C10orf90: variants seen among roughly 807,000 people sequenced by gnomAD.
C10orf90 encodes chromosome 10 open reading frame 90, also known as (E2-independent) E3 ubiquitin-conjugating enzyme FATS.
In C10orf90, 56 loss-of-function variants were observed where a neutral mutation model predicts 62.5. The observed-to-expected ratio is 0.90, with a 90% confidence interval of 0.72 to 1.12. The LOEUF (loss-of-function observed/expected upper bound fraction) is 1.12, where lower values mean the gene tolerates loss of function less well. C10orf90 is among the 50% of genes most tolerant of loss of function. The pLI, the probability that C10orf90 is intolerant of heterozygous loss-of-function variation, is 0.00. For missense variants in C10orf90, 970 were observed against 880.4 expected (o/e 1.10, Z -1.29); for synonymous variants, 386 against 340.4 (o/e 1.13, Z -1.47).
At chr10:126,583,192 G>A (rs910499603) in intron 2 of C10orf90, among the ~76,000 whole-genome samples, 6 of 152,136 alleles carry the variant, frequency 3.9e-5, no homozygotes, top group African/African-American at 1.2e-4. Context: ...GAAACAATAG[G>A]CCACTTTGCC....
chr10:126,532,830 G>C (rs139517087), intron 2 of C10orf90, among the ~76,000 whole-genome samples: 3 of 10,120 alleles, frequency 3.0e-4, no homozygotes, highest in African/African-American at 4.8e-4. Context: ...GCAACAGAGC[G>C]AGACTACGTC....
At chr10:126,521,448 G>A in intron 2 of C10orf90, 1 of 1,523,770 alleles carries the variant, frequency 6.6e-7, no homozygotes, top group African/African-American at 1.4e-5. Context: ...GAATGAGTCA[G>A]GCTTCCACCT....
chr10:126,491,260 A>T (rs969967155), intron 4 of C10orf90, among the ~76,000 whole-genome samples: 4 of 152,252 alleles, frequency 2.6e-5, no homozygotes, highest in Admixed American at 6.5e-5. Flanking sequence ...GCTTCAATTT[A>T]TATAGATTCT....
At chr10:126,553,597 A>G (rs768943185) in intron 2 of C10orf90, among the ~76,000 whole-genome samples, 1 of 152,208 alleles carries the variant, frequency 6.6e-6, no homozygotes, top group Non-Finnish European at 1.5e-5. Flanking sequence ...TTAGATACAC[A>G]AATTCTTAGC....
intron 4 of C10orf90, among the ~76,000 whole-genome samples, chr10:126,480,414 C>T (rs1861106831): frequency 6.6e-6 from 1 of 152,160 alleles, no homozygotes; most frequent in African/African-American, 2.4e-5. Context: ...TCTAATTTTC[C>T]ATGTAGGACC....
At position 126,631,631 on chromosome 10, in the gene C10orf90, G is replaced by A. The variant is rs574516232; in HGVS notation, c.313+14934C>T. 2.7e-3 allele frequency among the ~76,000 whole-genome samples: 409 copies of A among 152,054 alleles called. 1 individual carries two copies. The highest frequency in any genetic ancestry group is 9.4e-3 in the African/African-American group (390 of 41,472). Reference sequence around the variant, plus strand: ...TGCCCGGCACAGTTCCTGGTGCATAGGAAGTATTCAGTAAGAGGGGAACCA... The same window carrying A: ...TGCCCGGCACAGTTCCTGGTGCATAAGAAGTATTCAGTAAGAGGGGAACCA... On this transcript the variant is annotated intron_variant, in intron 2 of 9. Coordinates refer to ENST00000488181, the MANE Select transcript of C10orf90 (RefSeq NM_001350921.2).
intron 3 of C10orf90, among the ~76,000 whole-genome samples, chr10:126,505,798 T>C (rs1173572302): frequency 2.0e-5 from 3 of 151,918 alleles, no homozygotes; most frequent in Non-Finnish European, 2.9e-5. Context: ...CCACTAAAAA[T>C]ACAGAATTAG....
chr10:126,502,902 T>C, intron 4 of C10orf90: 1 of 481,196 alleles, frequency 2.1e-6, no homozygotes, highest in Non-Finnish European at 4.2e-6. Flanking sequence ...TAAAAATCTC[T>C]GAGCATTCAA....
chr10:126,646,672 A>G (rs1020519142), intron 1 of C10orf90, 35 bp from the exon 2 acceptor site: 1 of 423,462 alleles, frequency 2.4e-6, no homozygotes, highest in African/African-American at 2.1e-5. Context: ...CCAATTTCAT[A>G]TTTTGATTTG....
chr10:126,573,343 C>G (rs531037584), intron 2 of C10orf90, among the ~76,000 whole-genome samples: 1 of 152,172 alleles, frequency 6.6e-6, no homozygotes, highest in Non-Finnish European at 1.5e-5. Flanking sequence ...GGTCAGGGCT[C>G]GATCTTTAAC....
chr10:126,575,532 A>G (rs1339288586), intron 2 of C10orf90, among the ~76,000 whole-genome samples: 1 of 152,030 alleles, frequency 6.6e-6, no homozygotes, highest in African/African-American at 2.4e-5. Flanking sequence ...TAAAATTCCT[A>G]TCAAAATACC....
intron 5 of C10orf90, 118 bp from the exon 6 acceptor site, chr10:126,461,703 T>C (rs989147147): frequency 3.9e-6 from 4 of 1,022,828 alleles, no homozygotes; most frequent in East Asian, 2.7e-5. Context: ...GGACTATTAA[T>C]GGGCCTCGTT....
chr10:126,461,465 C>A lies in C10orf90; in HGVS notation c.1946G>T (p.Ser649Ile). 1 of 1,614,180 alleles carries A rather than the reference C, an allele frequency of 6.2e-7. No homozygotes were observed. Among genetic ancestry groups the A allele is most frequent in the East Asian group, 2.2e-5 (1 of 44,878 alleles). ...AGAACAGTCTTCGGACAGGCCAGGG[C>A]TCCCTGCTCCATCGCGGGGTGCTGG... ...PSPAPRDGAG[S>I]PGLSEDCSES... Residue 649 changes from serine (S) to isoleucine (I), a missense_variant, in exon 6 of 10, where the codon AGC (serine) becomes ATC (isoleucine). Ser to Ile is a moderately radical substitution (Grantham distance 142). Coordinates refer to ENST00000488181, the MANE Select transcript of C10orf90 (RefSeq NM_001350921.2).
At chr10:126,429,483 A>G (rs1857447417) in intron 8 of C10orf90, among the ~76,000 whole-genome samples, 1 of 152,226 alleles carries the variant, frequency 6.6e-6, no homozygotes, top group South Asian at 2.1e-4. Flanking sequence ...GCCCAGAGCA[A>G]CAATACTAAT....
intron 2 of C10orf90, among the ~76,000 whole-genome samples, chr10:126,547,246 C>T (rs1026193935): frequency 2.6e-5 from 4 of 151,892 alleles, no homozygotes; most frequent in Non-Finnish European, 4.4e-5. Context: ...GGTGAAACCC[C>T]ATCTCTACAA....
intron 4 of C10orf90, among the ~76,000 whole-genome samples, chr10:126,493,283 T>C (rs1437281669): frequency 6.6e-6 from 1 of 152,038 alleles, no homozygotes; most frequent in Non-Finnish European, 1.5e-5. Flanking sequence ...ATGTTCTCTC[T>C]GGGCAGTAGG....
Position 126,549,877 on chromosome 10 carries a change from C to T in C10orf90, c.314-35938G>A, listed in dbSNP as rs188749752. On this transcript the variant is annotated intron_variant, in intron 2 of 9. Transcript: ENST00000488181. Reference sequence around the variant, plus strand: ...TTATACATGCAACAACCTGAATGAACCTCCAAAGAATAACACCAAGTGCAA... The same window carrying T: ...TTATACATGCAACAACCTGAATGAATCTCCAAAGAATAACACCAAGTGCAA... Among the ~76,000 whole-genome samples, 144 of 152,048 alleles carry T rather than the reference C, an allele frequency of 9.5e-4. 1 individual carries two copies. Among genetic ancestry groups the T allele is most frequent in the African/African-American group, 3.4e-3 (142 of 41,504 alleles).
In C10orf90 at chr10:126,665,719, G is replaced by A. The variant is rs116578713; in HGVS notation, c.240+4522C>T. On this transcript the variant is annotated intron_variant, in intron 1 of 9. Transcript: ENST00000488181. ...CCCACCTGGAGGCAGTGTCCAGGCT[G>A]CAGCTTAGGAGGGGAAACTCAGCTG... Among the ~76,000 whole-genome samples, 1,367 of 152,296 alleles carry A rather than the reference G, an allele frequency of 9.0e-3. 18 individuals carry two copies. The highest frequency in any genetic ancestry group is 0.03 in the African/African-American group (1,257 of 41,578).
chr10:126,493,037 G>C (rs1227801160), intron 4 of C10orf90, among the ~76,000 whole-genome samples: 1 of 151,974 alleles, frequency 6.6e-6, no homozygotes, highest in Non-Finnish European at 1.5e-5. Flanking sequence ...TACAATGGAA[G>C]CTCACGTAGC....
Sources: allele counts gnomAD v4.1 joint callset (sites outside exome capture counted in the v4.1 genomes callset), GRCh38; gene constraint gnomAD v4.1.1; transcripts MANE v1.5; gene names NCBI Gene and HGNC (gene_info 2026-07-23, HGNC 2026-07-21).